MYT1L: variants seen among roughly 807,000 people sequenced by gnomAD.
MYT1L encodes myelin transcription factor 1-like protein.
MYT1L carries 12 observed loss-of-function variants against 126.7 expected under a neutral mutation model. The observed-to-expected ratio is 0.09, with a 90% CI of 0.06 to 0.15. The LOEUF (loss-of-function observed/expected upper bound fraction) is 0.15. Ranked by LOEUF, MYT1L falls within the 10% of genes least tolerant of loss-of-function variation. The pLI is 1.00. For missense variants in MYT1L, 979 were observed against 1,585.2 expected, an observed-to-expected ratio of 0.62 and a Z score of 6.49; for synonymous variants, 541 against 604.2, an observed-to-expected ratio of 0.90 and a Z score of 1.53.
chr2:2,038,383 C>T (rs1252065511), intron 4 of MYT1L, among the ~76,000 whole-genome samples: 2 of 152,148 alleles, frequency 1.3e-5, no homozygotes, highest in Non-Finnish European at 2.9e-5. Context: ...CAGTGAATGA[C>T]ACCATCAGAT....
At chr2:2,186,438 C>T (rs1261548512) in intron 2 of MYT1L, among the ~76,000 whole-genome samples, 1 of 152,250 alleles carries the variant, frequency 6.6e-6, no homozygotes, top group Non-Finnish European at 1.5e-5. Flanking sequence ...AGCGTGCTCA[C>T]CGCAAAAGAA....
chr2:2,283,772 C>T (rs2095481472), intron 2 of MYT1L, among the ~76,000 whole-genome samples: 1 of 152,156 alleles, frequency 6.6e-6, no homozygotes, highest in East Asian at 1.9e-4. Context: ...ACAAATGATT[C>T]CCAAGGATGT....
At chr2:1,797,409 A>G (rs981744308) in intron 23 of MYT1L, among the ~76,000 whole-genome samples, 3 of 152,028 alleles carry the variant, frequency 2.0e-5, no homozygotes, top group African/African-American at 4.8e-5. Flanking sequence ...TTTAGTAGAG[A>G]CGGGGTTTCA....
rs575837596 is a variant in MYT1L, at chr2:2,224,675, C to T, written c.-420-51687G>A. Among the ~76,000 whole-genome samples, 1 of 151,962 alleles carries T rather than the reference C, an allele frequency of 6.6e-6. No homozygotes were observed. Among genetic ancestry groups the T allele is most frequent in the South Asian group, 2.1e-4 (1 of 4,816 alleles). On this transcript the variant is annotated intron_variant, in intron 2 of 24. Coordinates refer to ENST00000647738, the MANE Select transcript of MYT1L (RefSeq NM_001303052.2). This position sits in a 1 kb window ranked among gnomAD's most constrained non-coding sequence, Gnocchi z 4.0. ...TCTACTAAAAATACAAAAAATTAGC[C>T]AGGTGTGGTGGCGGGCACCTGTAGT...
rs1034096736 is a variant in MYT1L, at chr2:1,917,969, G to A, written c.1484-630C>T. ...AAGGTGGAAAGCCCACCTGACAGAG[G>A]TGACGGGTAATCAACATGTTTCAGA... is the stretch of plus-strand genomic sequence containing the variant. On this transcript the variant is annotated intron_variant, in intron 10 of 24. Coordinates refer to ENST00000647738, the MANE Select transcript of MYT1L (RefSeq NM_001303052.2). The surrounding 1 kb of genome is among the most constrained non-coding windows in gnomAD (Gnocchi z 5.9). Among the ~76,000 whole-genome samples, 1 of 152,156 alleles carries A rather than the reference G, an allele frequency of 6.6e-6. No homozygotes were observed. The highest frequency in any genetic ancestry group is 2.4e-5 in the African/African-American group (1 of 41,434).
At chr2:2,199,614 G>T (rs1559314610) in intron 2 of MYT1L, among the ~76,000 whole-genome samples, 1 of 152,190 alleles carries the variant, frequency 6.6e-6, no homozygotes, top group Non-Finnish European at 1.5e-5. Context: ...CAGTGTTAAT[G>T]TGAGAAGCCA....
At chr2:1,986,349 C>T (rs914325438) in intron 5 of MYT1L, among the ~76,000 whole-genome samples, 4 of 152,100 alleles carry the variant, frequency 2.6e-5, no homozygotes, top group East Asian at 1.9e-4. Flanking sequence ...GATCACTGGA[C>T]GTTAAGCCAG....
intron 3 of MYT1L, among the ~76,000 whole-genome samples, chr2:2,111,636 G>A (rs2079472560): frequency 6.6e-6 from 1 of 152,236 alleles, no homozygotes; most frequent in Non-Finnish European, 1.5e-5. Context: ...CACACAGAAA[G>A]ACAGGGCAAC....
At chr2:2,309,736 A>C (rs753403730) in intron 1 of MYT1L, among the ~76,000 whole-genome samples, 1 of 150,420 alleles carries the variant, frequency 6.6e-6, no homozygotes, top group East Asian at 2.0e-4. Flanking sequence ...CTCTATCTAT[A>C]CTCTACATAC....
intron 18 of MYT1L, among the ~76,000 whole-genome samples, chr2:1,880,754 G>A (rs926791783): frequency 1.3e-5 from 2 of 151,956 alleles, no homozygotes; most frequent in Non-Finnish European, 2.9e-5. Flanking sequence ...GAAAACCCAT[G>A]GTCTGCGTTT....
chr2:2,156,440 G>C (rs987625563), intron 3 of MYT1L, among the ~76,000 whole-genome samples: 3 of 152,192 alleles, frequency 2.0e-5, no homozygotes, highest in African/African-American at 7.2e-5. Flanking sequence ...CTGTATCCTC[G>C]CATAGCAAGA....
intron 3 of MYT1L, among the ~76,000 whole-genome samples, chr2:2,087,899 G>A (rs752946241): frequency 2.2e-4 from 33 of 152,224 alleles, no homozygotes; most frequent in African/African-American, 3.9e-4. Context: ...AACACCACAC[G>A]TGGTCTACTG....
chr2:1,866,973 G>GGA (rs556864582), intron 18 of MYT1L, among the ~76,000 whole-genome samples: 14,744 of 95,378 alleles, frequency 0.15, 1,237 homozygotes, highest in East Asian at 0.34. Flanking sequence ...GAGAGAGGGA[G>GGA]GAGAGAGAGA....
intron 8 of MYT1L, among the ~76,000 whole-genome samples, chr2:1,945,545 T>C (rs1470109390): frequency 6.6e-6 from 1 of 152,190 alleles, no homozygotes; most frequent in Non-Finnish European, 1.5e-5. Flanking sequence ...GCATTGCCCA[T>C]GGCAGGTCTT....
chr2:1,991,467 AT>A (rs1293301313), intron 5 of MYT1L, among the ~76,000 whole-genome samples: 1 of 151,704 alleles, frequency 6.6e-6, no homozygotes, highest in Non-Finnish European at 1.5e-5. Context: ...TAATCTGTGT[AT>A]TTTTTGCCAC....
chr2:2,185,806 C>T (rs192302240), intron 2 of MYT1L, among the ~76,000 whole-genome samples: 1 of 138,316 alleles, frequency 7.2e-6, no homozygotes, highest in African/African-American at 2.8e-5. Flanking sequence ...CCGGGCCTTC[C>T]GGGCCTTCCC....
intron 3 of MYT1L, among the ~76,000 whole-genome samples, chr2:2,088,133 T>G (rs2076539806): frequency 2.6e-5 from 4 of 152,206 alleles, no homozygotes. Context: ...GCACTAGAGC[T>G]GAGCCACATA....
At chr2:1,881,237 C>A (rs781035558) in intron 18 of MYT1L, among the ~76,000 whole-genome samples, 1 of 152,078 alleles carries the variant, frequency 6.6e-6, no homozygotes, top group Non-Finnish European at 1.5e-5. Context: ...CTGCTGGGCT[C>A]GCCCTGACAG....
intron 4 of MYT1L, among the ~76,000 whole-genome samples, chr2:1,998,806 G>A (rs781730001): frequency 1.3e-5 from 2 of 151,948 alleles, no homozygotes; most frequent in African/African-American, 4.8e-5. Flanking sequence ...TCTGTTATGC[G>A]AGACCCCAGA....
Sources: gnomAD v4.1 joint callset for allele counts (sites outside exome capture counted in the v4.1 genomes callset) on GRCh38, gnomAD v4.1.1 for gene constraint, Gnocchi (gnomAD v3.1) non-coding constraint, MANE v1.5 for transcripts, NCBI Gene and HGNC (gene_info 2026-07-23, HGNC 2026-07-21) for gene names.